The following INSC variants were observed in gnomAD, a reference collection of about 807,000 sequenced individuals.
INSC encodes the protein protein inscuteable homolog.
INSC carries 67 observed loss-of-function variants against 58.6 expected under a neutral mutation model. That is an observed-to-expected ratio of 1.14 (90% confidence interval 0.94 to 1.40). The LOEUF is 1.40. Among genes scored for constraint, INSC ranks in the 40% most tolerant of loss-of-function variants. The pLI is 0.00. For synonymous variants in INSC, 262 were observed against 276.1 expected (o/e 0.95, Z 0.51); for missense variants, 714 against 692.0 (o/e 1.03, Z -0.36).
At chr11:15,156,221 C>T (rs1848810521) in intron 2 of INSC, among the ~76,000 whole-genome samples, 1 of 152,136 alleles carries the variant, frequency 6.6e-6, no homozygotes. Flanking sequence ...CCCAATTTTC[C>T]TCAGAAAGAA....
chr11:15,261,180 C>T, the INSC span, among the ~76,000 whole-genome samples: 3 of 152,142 alleles, frequency 2.0e-5, no homozygotes, highest in Non-Finnish European at 4.4e-5. Context: ...ACAAGTTCCT[C>T]AACTTCCTTG....
chr11:15,208,506 T>C (rs1037417658), intron 7 of INSC, among the ~76,000 whole-genome samples: 1 of 152,170 alleles, frequency 6.6e-6, no homozygotes, highest in African/African-American at 2.4e-5. Flanking sequence ...TGTCTGTCTG[T>C]CTTGATGGCT....
rs1392755980 is a variant in INSC, at chr11:15,200,815, T to G, written c.694-9T>G. On this transcript the variant is annotated splice_polypyrimidine_tract_variant and intron_variant, in intron 6 of 12. Transcript: ENST00000379556. The stretch of plus-strand genomic sequence containing the variant: ...AGTAAGATGATGTGACATTTCTTTC[T>G]CTTGGCAGGAGGGTGGGGTCGTAGC... 1 of 1,613,934 alleles carries G rather than the reference T, an allele frequency of 6.2e-7. No individual in the cohort carries two copies. Among genetic ancestry groups the G allele is most frequent in the African/African-American group, 1.3e-5 (1 of 74,912 alleles).
the INSC span, among the ~76,000 whole-genome samples, chr11:15,257,128 T>C: frequency 3.3e-3 from 499 of 152,290 alleles, 3 homozygotes; most frequent in African/African-American, 0.012. Context: ...AATTATAAAA[T>C]TGCAAGATCA....
At chr11:15,161,920 C>A (rs980724139) in intron 2 of INSC, among the ~76,000 whole-genome samples, 1 of 152,152 alleles carries the variant, frequency 6.6e-6, no homozygotes, top group Non-Finnish European at 1.5e-5. Context: ...AAGTTAATAG[C>A]CTAACCATGC....
At chr11:15,235,415 G>A (rs1297051057) in intron 9 of INSC, among the ~76,000 whole-genome samples, 187 bp from the exon 10 acceptor site, 1 of 152,186 alleles carries the variant, frequency 6.6e-6, no homozygotes, top group Non-Finnish European at 1.5e-5. Context: ...TAGTCACCGG[G>A]GAAATACATC....
chr11:15,152,154 T>G (rs1333798827), intron 2 of INSC, among the ~76,000 whole-genome samples: 1 of 152,132 alleles, frequency 6.6e-6, no homozygotes, highest in African/African-American at 2.4e-5. Context: ...GGGTTTAGAG[T>G]TCAGAGTGGT....
intron 2 of INSC, among the ~76,000 whole-genome samples, chr11:15,164,154 C>A (rs1849115061): frequency 6.6e-6 from 1 of 151,754 alleles, no homozygotes; most frequent in Non-Finnish European, 1.5e-5. Context: ...TTTTTTCTGG[C>A]ATTTTCTCAT....
rs143057740 is a variant in INSC at position 15,240,802 on chromosome 11, G to A, written c.1470+279G>A. Among the ~76,000 whole-genome samples, 510 of 152,290 alleles carry A rather than the reference G, an allele frequency of 3.3e-3. 2 individuals carry two copies. Among genetic ancestry groups the A allele is most frequent in the African/African-American group, 0.012 (482 of 41,558 alleles). On this transcript the variant is annotated intron_variant, in intron 12 of 12. Coordinates refer to ENST00000379556, the MANE Select transcript of INSC (RefSeq NM_001042536.3). Reference sequence around the variant, plus strand: ...ACAATTTTAGGAACCAGGAACCTTTGAGGTTCCTGTGGAACGCTAGCTGGT... The same window carrying A: ...ACAATTTTAGGAACCAGGAACCTTTAAGGTTCCTGTGGAACGCTAGCTGGT...
the INSC span, among the ~76,000 whole-genome samples, chr11:15,266,584 A>T: frequency 6.6e-6 from 1 of 152,006 alleles, no homozygotes; most frequent in South Asian, 2.1e-4. Context: ...CTGTGTCCAA[A>T]TTAGAAGCTA....
intron 2 of INSC, among the ~76,000 whole-genome samples, chr11:15,167,202 G>T (rs1218958962): frequency 1.3e-5 from 2 of 152,128 alleles, no homozygotes; most frequent in South Asian, 4.2e-4. Flanking sequence ...GTCAGGCTGG[G>T]TGGGGGTTCT....
At chr11:15,212,896 TG>T (rs1851081652) in intron 7 of INSC, among the ~76,000 whole-genome samples, 1 of 152,246 alleles carries the variant, frequency 6.6e-6, no homozygotes, top group Admixed American at 6.5e-5. Flanking sequence ...ATCTTTACCT[TG>T]TTACTGATTT....
intron 5 of INSC, among the ~76,000 whole-genome samples, chr11:15,187,372 T>G (rs1205865605): frequency 1.3e-5 from 2 of 151,678 alleles, no homozygotes; most frequent in African/African-American, 4.8e-5. Context: ...TTAACCATCT[T>G]TAATCTACTG....
chr11:15,165,912 T>C (rs1849180110), intron 2 of INSC, among the ~76,000 whole-genome samples: 1 of 152,102 alleles, frequency 6.6e-6, no homozygotes, highest in South Asian at 2.1e-4. Context: ...CTGGGGACTC[T>C]TAGATGCACT....
At chr11:15,118,438 T>G (rs1847788912) in intron 1 of INSC, among the ~76,000 whole-genome samples, 1 of 152,186 alleles carries the variant, frequency 6.6e-6, no homozygotes, top group Non-Finnish European at 1.5e-5. Flanking sequence ...TTAGAATAAC[T>G]TGAATGGTGG....
intron 5 of INSC, 96 bp downstream of exon 5, chr11:15,178,543 A>G: frequency 5.0e-6 from 7 of 1,410,468 alleles, no homozygotes; most frequent in Non-Finnish European, 6.7e-6. Context: ...GAAGCTACTG[A>G]TGTGGACTTT....
chr11:15,193,989 A>G (rs546705265), intron 6 of INSC, among the ~76,000 whole-genome samples: 2 of 152,292 alleles, frequency 1.3e-5, no homozygotes, highest in South Asian at 2.1e-4. Flanking sequence ...CTCACACTCA[A>G]CTTCATGGCT....
At chr11:15,169,651 C>T (rs563455952) in intron 2 of INSC, among the ~76,000 whole-genome samples, 29 of 152,230 alleles carry the variant, frequency 1.9e-4, no homozygotes, top group African/African-American at 6.5e-4. Context: ...AAGTGATTCT[C>T]CTGCCTCAAC....
chr11:15,112,441 T>C (rs764402413), upstream of INSC: 5 of 1,572,370 alleles, frequency 3.2e-6, no homozygotes, highest in Non-Finnish European at 4.3e-6. Flanking sequence ...GTAAGGAGAC[T>C]TGGAGTCGCT....
Sources: gnomAD v4.1 joint callset for allele counts (sites outside exome capture counted in the v4.1 genomes callset) on GRCh38, gnomAD v4.1.1 for gene constraint, MANE v1.5 for transcripts, NCBI Gene and HGNC (gene_info 2026-07-23, HGNC 2026-07-21) for gene names.